SERINC2: variants seen among roughly 807,000 people sequenced by gnomAD.
The protein encoded by SERINC2 is tumor differentially expressed protein 2.
Under a neutral mutation model 54.2 loss-of-function variants are expected in SERINC2, and 56 were observed. The ratio of observed to expected loss-of-function variants is 1.03; its 90% CI spans 0.83 to 1.29. The LOEUF (loss-of-function observed/expected upper bound fraction) is 1.29, where lower values mean the gene tolerates loss of function less well. Among genes scored for constraint, SERINC2 ranks in the 50% most tolerant of loss-of-function variants. The probability of loss-of-function intolerance (pLI) is 0.00; values close to 1 mark genes in which losing one functional copy is unlikely to be tolerated. For missense variants in SERINC2, 614 were observed against 607.4 expected (o/e 1.01, Z -0.12); for synonymous variants, 272 against 253.1 (o/e 1.07, Z -0.71).
chr1:31,427,338 C>T (rs1185209339), intron 6 of SERINC2, among the ~76,000 whole-genome samples: 4 of 152,078 alleles, frequency 2.6e-5, no homozygotes, highest in Admixed American at 6.5e-5. Context: ...CAGAAAGTAC[C>T]GCTGGAGCCC....
chr1:31,415,563 T>C (rs1225228466), intron 1 of SERINC2, among the ~76,000 whole-genome samples: 1 of 152,200 alleles, frequency 6.6e-6, no homozygotes, highest in Non-Finnish European at 1.5e-5. Context: ...TGTGTATATA[T>C]ATATCTCCTT....
At chr1:31,422,729 T>G (rs1640932289) in intron 1 of SERINC2, among the ~76,000 whole-genome samples, 1 of 152,048 alleles carries the variant, frequency 6.6e-6, no homozygotes, top group Non-Finnish European at 1.5e-5. Context: ...TTACCAGAGG[T>G]ATCTGGATGT....
intron 1 of SERINC2, among the ~76,000 whole-genome samples, chr1:31,415,009 G>A (rs931390417): frequency 2.0e-5 from 3 of 152,224 alleles, no homozygotes; most frequent in Admixed American, 2.0e-4. Context: ...ACAATGCAAA[G>A]CCAAGTGCTG....
upstream of SERINC2, chr1:31,410,137 C>T (rs1557484557): frequency 4.2e-6 from 6 of 1,414,664 alleles, no homozygotes; most frequent in Admixed American, 5.9e-5. Flanking sequence ...TGAATTCCAA[C>T]CCTCCAGTGA....
chr1:31,431,776 AATAGGGTGGATAGGGTGG>A lies in SERINC2; in HGVS notation c.1014-1180_1014-1163del, dbSNP rs1557499667. Among the ~76,000 whole-genome samples, 23 of 6,288 alleles carry A rather than the reference AATAGGGTGGATAGGGTGG, an allele frequency of 3.7e-3. 2 individuals are homozygous for A. The highest frequency in any genetic ancestry group is 6.6e-3 in the Non-Finnish European group (6 of 912). 4.1% of individuals were successfully genotyped at this position (6,288 alleles called of 152,430 possible). On this transcript the variant is annotated intron_variant, in intron 8 of 9. Coordinates refer to ENST00000373709, the MANE Select transcript of SERINC2 (RefSeq NM_178865.5). ...TAGGGTGGAGAGGGTGGAGAGGGTG[AATAGGGTGGATAGGGTGG>A]ATAGGGTGGACAGGGTGGACAGGGT...
chr1:31,414,094 A>T, intron 1 of SERINC2: 1 of 1,464,740 alleles, frequency 6.8e-7, no homozygotes, highest in Non-Finnish European at 9.0e-7. Flanking sequence ...ACCGGGCGGA[A>T]CTCTGGGTTG....
intron 6 of SERINC2, among the ~76,000 whole-genome samples, chr1:31,427,509 A>G: frequency 6.6e-6 from 1 of 152,172 alleles, no homozygotes; most frequent in East Asian, 1.9e-4. Flanking sequence ...AGAGAAGGCG[A>G]TGTCTGTGTC....
At chr1:31,432,066 CAGGGTGGACAGGGTGGTT>C (rs1557500912) in intron 8 of SERINC2, among the ~76,000 whole-genome samples, 223 of 15,740 alleles carry the variant, frequency 0.014, 10 homozygotes, top group Middle Eastern at 0.026. Context: ...ACAGGGTGGA[CAGGGTGGACAGGGTGGTT>C]AGGGTGGACA....
intron 1 of SERINC2, among the ~76,000 whole-genome samples, chr1:31,418,364 C>T (rs1269135654): frequency 3.3e-5 from 5 of 151,892 alleles, no homozygotes; most frequent in African/African-American, 9.7e-5. Flanking sequence ...AGTGGAGGGC[C>T]ACTTTATTTT....
intron 8 of SERINC2, among the ~76,000 whole-genome samples, chr1:31,431,492 G>A (rs1034830091): frequency 1.3e-5 from 2 of 152,032 alleles, no homozygotes; most frequent in Non-Finnish European, 2.9e-5. Context: ...ATGGTGGCCG[G>A]TGGCCAAGGA....
chr1:31,425,862 C>T lies in SERINC2; in HGVS notation c.559C>T (p.Gln187Ter). ...CATCGACTTTGCGCACTCCTGGAACCAGCGGTGGCTGGGCAAGGCCGAGGA... is the reference window on the plus strand; with the variant it reads ...CATCGACTTTGCGCACTCCTGGAACTAGCGGTGGCTGGGCAAGGCCGAGGA... The part of the protein sequence containing the change: ...LLIDFAHSWN[Q>*]RWLGKAEECD... Residue 187 changes from glutamine (Q) to a stop codon, truncating the protein, a stop_gained, in exon 5 of 10, where the codon CAG becomes TAG. Coordinates refer to ENST00000373709, the MANE Select transcript of SERINC2 (RefSeq NM_178865.5). LOFTEE classifies it high-confidence loss of function. 1 of 1,613,580 alleles carries T rather than the reference C, an allele frequency of 6.2e-7. No individual in the cohort carries two copies. The highest frequency in any genetic ancestry group is 8.5e-7 in the Non-Finnish European group (1 of 1,179,946).
Position 31,429,415 on chromosome 1 carries a change from A to C in SERINC2, c.890A>C (p.His297Pro). The change falls in exon 8 of 10, where the codon CAT becomes CCT. Residue 297 changes from histidine to proline, a missense_variant. His to Pro is a moderately conservative substitution (Grantham distance 77, BLOSUM62 -2). Coordinates refer to ENST00000373709, the MANE Select transcript of SERINC2 (RefSeq NM_178865.5). ...TCTCCAGAACAGAAATGCAACCCCC[A>C]TTTGCCAACCCAGCTGGGCAACGAG... ...SSIPEQKCNP[H>P]LPTQLGNETV... The C allele has an allele frequency of 6.2e-7, 1 of 1,612,984 alleles. No individual in the cohort carries two copies. Among genetic ancestry groups the C allele is most frequent in the Non-Finnish European group, 8.5e-7 (1 of 1,179,460 alleles).
At position 31,424,585 on chromosome 1, in the gene SERINC2, C is replaced by T. The variant is rs1640982496; in HGVS notation, c.202-98C>T. The T allele has an allele frequency of 2.8e-6, 3 of 1,057,976 alleles. No individual in the cohort carries two copies. In the South Asian group the frequency reaches 5.1e-5, roughly 18 times the overall value. The allele number at this position is 1,057,976 out of a possible 1,614,324, so 65.5% of individuals were successfully genotyped here. On this transcript the variant is annotated intron_variant, in intron 2 of 9. Transcript: ENST00000373709. ...AGCCCCTGCTGGGAGAGCCTCTTTC[C>T]TGGCCGGCCTTGGGAGACCAGGGCT... is the stretch of plus-strand genomic sequence containing the variant.
chr1:31,429,369 C>G (rs1641131774), intron 7 of SERINC2, 28 bp from the exon 8 acceptor site: 1 of 1,595,666 alleles, frequency 6.3e-7, no homozygotes, highest in East Asian at 2.2e-5. Flanking sequence ...CCTGCATGGG[C>G]TGAGGGTGAT....
chr1:31,419,791 T>G (rs546296763), intron 1 of SERINC2, among the ~76,000 whole-genome samples: 58 of 152,160 alleles, frequency 3.8e-4, no homozygotes, highest in Non-Finnish European at 7.1e-4. Flanking sequence ...ATCACACCAC[T>G]GCACTCCAGC....
At chr1:31,410,474 G>C (rs1053726557), upstream of SERINC2, 1 of 1,549,072 alleles carries the variant, frequency 6.5e-7, no homozygotes, top group Admixed American at 2.0e-5. Flanking sequence ...TGAGAGCCCA[G>C]CCGGCCTTGG....
rs1436534175 is a variant in SERINC2, at chr1:31,413,510, G to A, written c.39+206G>A. On this transcript the variant is annotated intron_variant, in intron 1 of 9. Coordinates refer to ENST00000373709, the MANE Select transcript of SERINC2 (RefSeq NM_178865.5). This position sits in a 1 kb window ranked among gnomAD's most constrained non-coding sequence, Gnocchi z 5.0. ...CCCGTCCCCCTGCTCAGTCCTGGCC[G>A]GCAGGCGCCGGGCAGCTGCGGTCCC... 2.0e-5 allele frequency among the ~76,000 whole-genome samples: 3 copies of A among 151,878 alleles called. No homozygotes were observed. The highest frequency in any genetic ancestry group is 1.5e-5 in the Non-Finnish European group (1 of 67,902).
In SERINC2 at chr1:31,413,246, C is replaced by A. The variant is rs1449211339; in HGVS notation, c.-20C>A. On this transcript the variant is annotated 5_prime_UTR_variant, in exon 1 of 10. Coordinates refer to ENST00000373709, the MANE Select transcript of SERINC2 (RefSeq NM_178865.5). This position sits in a 1 kb window ranked among gnomAD's most constrained non-coding sequence, Gnocchi z 5.0. ...CGCCCCGCGCCCGGCGCCGGGCGCC[C>A]GAAGCCGGGAGCCGCCGCCATGGGG... The A allele has an allele frequency of 1.6e-4, 190 of 1,183,906 alleles. No homozygotes were observed. Among genetic ancestry groups the A allele is most frequent in the Non-Finnish European group, 1.9e-4 (186 of 959,200 alleles). 73.3% of individuals were successfully genotyped at this position (1,183,906 alleles called of 1,614,324 possible). A position where few individuals can be genotyped will look rare whatever the true frequency, so the allele number is the denominator to read the frequency against.
At position 31,434,249 on chromosome 1, in the gene SERINC2, C is replaced by T. The variant is rs782566601; in HGVS notation, c.*50C>T. ...GTGCCTCCTGCCACCTGGTGCCTCT[C>T]GGCTCAGTGACAGCCAACCTGCCCC... On this transcript the variant is annotated 3_prime_UTR_variant, in exon 10 of 10. Coordinates refer to ENST00000373709, the MANE Select transcript of SERINC2 (RefSeq NM_178865.5). The T allele has an allele frequency of 1.0e-5, 16 of 1,584,546 alleles. No homozygotes were observed. Among genetic ancestry groups the T allele is most frequent in the East Asian group, 6.7e-5 (3 of 44,756 alleles).
Sources: gnomAD v4.1 joint callset for allele counts (sites outside exome capture counted in the v4.1 genomes callset) on GRCh38, gnomAD v4.1.1 for gene constraint, Gnocchi (gnomAD v3.1) non-coding constraint, MANE v1.5 for transcripts, NCBI Gene and HGNC (gene_info 2026-07-23, HGNC 2026-07-21) for gene names.